The following APBB1IP variants were observed in gnomAD, a reference collection of about 807,000 sequenced individuals.
APBB1IP encodes amyloid beta precursor protein binding family B member 1 interacting protein.
APBB1IP carries 27 observed loss-of-function variants against 64.9 expected under a neutral mutation model. The ratio of observed to expected loss-of-function variants is 0.42; its 90% confidence interval spans 0.31 to 0.57. APBB1IP has a LOEUF of 0.57. Ranked by LOEUF, APBB1IP falls within the 20% of genes least tolerant of loss-of-function variation. The pLI is 0.20. For synonymous variants in APBB1IP, 392 were observed against 331.0 expected, an observed-to-expected ratio of 1.18 and a Z score of -2.00; for missense variants, 812 against 845.5, an observed-to-expected ratio of 0.96 and a Z score of 0.49.
intron 10 of APBB1IP, among the ~76,000 whole-genome samples, chr10:26,537,444 T>A (rs1379952713): frequency 6.6e-6 from 1 of 152,186 alleles, no homozygotes; most frequent in East Asian, 1.9e-4. Context: ...CTCCTTAGCC[T>A]CTTCCACTCT....
Position 26,567,492 on chromosome 10 carries a change from C to T in APBB1IP, c.*4C>T, listed in dbSNP as rs1483149479. The T allele has an allele frequency of 5.1e-6, 8 of 1,563,676 alleles. No individual in the cohort carries two copies. The highest frequency in any genetic ancestry group is 1.4e-5 in the African/African-American group (1 of 73,094). On this transcript the variant is annotated 3_prime_UTR_variant, in exon 15 of 15. Coordinates refer to ENST00000376236, the MANE Select transcript of APBB1IP (RefSeq NM_019043.4). ...GAAGAGAGGCAACGTGTCCTAGGGACGGGCATGATGAGTGTTCCAGAGGGA... is the reference window on the plus strand; with the variant it reads ...GAAGAGAGGCAACGTGTCCTAGGGATGGGCATGATGAGTGTTCCAGAGGGA...
intron 2 of APBB1IP, among the ~76,000 whole-genome samples, chr10:26,475,204 C>G (rs534242966): frequency 1.3e-5 from 2 of 151,408 alleles, no homozygotes; most frequent in East Asian, 3.9e-4. Context: ...TTCACTGCAA[C>G]CTCCGCCTCC....
In APBB1IP at chr10:26,500,874, A is replaced by G. The variant is rs1836088219; in HGVS notation, c.216A>G (p.Val72=). 1.2e-6 allele frequency: 2 copies of G among 1,614,232 alleles called. No homozygotes were observed. Among genetic ancestry groups the G allele is most frequent in the East Asian group, 2.2e-5 (1 of 44,894 alleles). Residue 72 remains valine, a synonymous_variant, in exon 5 of 15, where the codon GTA becomes GTG. Coordinates refer to ENST00000376236, the MANE Select transcript of APBB1IP (RefSeq NM_019043.4). ...TAGATGCTCTCATGGCAGATCTGGT[A>G]GCAGACATAAGTGAGGCTGAGCAGA... ...QDLDALMADL[V]ADISEAEQRT... is the part of the protein sequence containing the mutation.
At chr10:26,551,303 G>T (rs1836827221) in intron 11 of APBB1IP, among the ~76,000 whole-genome samples, 1 of 152,236 alleles carries the variant, frequency 6.6e-6, no homozygotes, top group South Asian at 2.1e-4. Flanking sequence ...GAAGGACCCA[G>T]TGTGGTAAGA....
intron 5 of APBB1IP, among the ~76,000 whole-genome samples, chr10:26,502,800 A>G (rs1327897882): frequency 6.6e-6 from 1 of 152,210 alleles, no homozygotes; most frequent in African/African-American, 2.4e-5. Context: ...GTGTCAATCT[A>G]TAGATTCCTT....
At chr10:26,499,406 A>G (rs770506575) in intron 4 of APBB1IP, among the ~76,000 whole-genome samples, 3 of 152,236 alleles carry the variant, frequency 2.0e-5, no homozygotes, top group Non-Finnish European at 1.5e-5. Context: ...CTTTAGTCCA[A>G]GTACTGTAAA....
chr10:26,550,441 CT>C (rs1385319049), intron 11 of APBB1IP, among the ~76,000 whole-genome samples: 2 of 151,630 alleles, frequency 1.3e-5, no homozygotes, highest in Non-Finnish European at 2.9e-5. Context: ...TTCTTTATTC[CT>C]TTTCATTTTT....
intron 2 of APBB1IP, among the ~76,000 whole-genome samples, chr10:26,490,833 T>A (rs1476102789): frequency 1.3e-5 from 2 of 152,198 alleles, no homozygotes; most frequent in African/African-American, 4.8e-5. Context: ...AATTTCCATA[T>A]AAAAAGAATG....
intron 8 of APBB1IP, among the ~76,000 whole-genome samples, chr10:26,515,432 T>G (rs1045234068): frequency 1.3e-5 from 2 of 152,156 alleles, no homozygotes; most frequent in Non-Finnish European, 2.9e-5. Context: ...GCCGGGGAAA[T>G]GCACATTCAG....
Position 26,567,434 on chromosome 10 carries a change from T to C in APBB1IP, c.1947T>C (p.Asp649=). The C allele has an allele frequency of 6.2e-7, 1 of 1,607,808 alleles. No homozygotes were observed. Among genetic ancestry groups the C allele is most frequent in the South Asian group, 1.1e-5 (1 of 90,928 alleles). ...GCGGAGCAGGAGGCGGGGAGCAAGA[T>C]TTCATGTCAGACCTCATGAAAGCTT... ...HPGGAGGGEQ[D]FMSDLMKALQ... Residue 649 remains aspartate (D), a synonymous_variant, in exon 15 of 15, where the codon GAT becomes GAC. Transcript: ENST00000376236.
chr10:26,512,549 T>C (rs1297913590), intron 7 of APBB1IP, among the ~76,000 whole-genome samples: 2 of 152,050 alleles, frequency 1.3e-5, no homozygotes, highest in Non-Finnish European at 2.9e-5. Flanking sequence ...TAGACACTGA[T>C]GGAATTTTTC....
chr10:26,467,486 G>A lies in APBB1IP; in HGVS notation c.1-24841G>A, dbSNP rs117164323. 2.3e-3 allele frequency among the ~76,000 whole-genome samples: 344 copies of A among 152,282 alleles called. 6 individuals carry two copies. The highest frequency in any genetic ancestry group is 0.014 in the Admixed American group (207 of 15,286). On this transcript the variant is annotated intron_variant, in intron 2 of 14. Transcript: ENST00000376236. ...CCAAGAGTTCTGATTCCATAATTGTGTTCAAGACCAGCCTGGGCAACATAG... is the reference window on the plus strand; with the variant it reads ...CCAAGAGTTCTGATTCCATAATTGTATTCAAGACCAGCCTGGGCAACATAG...
At chr10:26,459,957 G>T (rs1835570872) in intron 2 of APBB1IP, among the ~76,000 whole-genome samples, 1 of 151,950 alleles carries the variant, frequency 6.6e-6, no homozygotes, top group Admixed American at 6.6e-5. Flanking sequence ...AATTTTGTAA[G>T]CCAAATTTTT....
chr10:26,449,864 A>G (rs1285237547), intron 2 of APBB1IP, among the ~76,000 whole-genome samples: 1 of 152,124 alleles, frequency 6.6e-6, no homozygotes, highest in Non-Finnish European at 1.5e-5. Context: ...TGAAAAAGCC[A>G]GACATGGTGG....
intron 2 of APBB1IP, among the ~76,000 whole-genome samples, chr10:26,462,925 TAG>T (rs1283317912): frequency 6.6e-6 from 1 of 152,210 alleles, no homozygotes; most frequent in Non-Finnish European, 1.5e-5. Context: ...TAGAATGACA[TAG>T]AAGGTGGTAT....
At position 26,567,041 on chromosome 10, in the gene APBB1IP, G is replaced by GC; in HGVS notation, c.1559dup (p.Pro521SerfsTer45). On this transcript the variant is annotated frameshift_variant, in exon 15 of 15. Transcript: ENST00000376236. LOFTEE classifies it low-confidence loss of function (END_TRUNC). ...ACGCCCCCAAGTCCAGCCTGCCCCC[G>GC]CCCCCTCCGGTGCGGAGGTCCTCCG... is the stretch of plus-strand genomic sequence containing the variant. The GC allele has an allele frequency of 6.5e-7, 1 of 1,527,372 alleles. No homozygotes were observed. The highest frequency in any genetic ancestry group is 8.7e-7 in the Non-Finnish European group (1 of 1,151,758). The allele number at this position is 1,527,372 out of a possible 1,614,324, so 94.6% of individuals were successfully genotyped here. A position where few individuals can be genotyped will look rare whatever the true frequency, so the allele number is the denominator to read the frequency against.
At chr10:26,533,604 G>T in intron 9 of APBB1IP, 79 bp downstream of exon 9, 1 of 912,072 alleles carries the variant, frequency 1.1e-6, no homozygotes, top group South Asian at 2.3e-5. Flanking sequence ...CGAGAACAAT[G>T]GAAAAATCTA....
At position 26,452,292 on chromosome 10, in the gene APBB1IP, G is replaced by A. The variant is rs76173675; in HGVS notation, c.-1+13439G>A. On this transcript the variant is annotated intron_variant, in intron 2 of 14. Coordinates refer to ENST00000376236, the MANE Select transcript of APBB1IP (RefSeq NM_019043.4). ...AGCTGAGAGAAGGTCTAAATGACTT[G>A]CCCAAGGTCATCCAGCAGCTAAGTA... Among the ~76,000 whole-genome samples the A allele has an allele frequency of 1.6e-4, 25 of 152,314 alleles. No individual in the cohort carries two copies. In the East Asian group the frequency reaches 3.3e-3, roughly 20 times the overall value.
chr10:26,555,827 A>G (rs1836888260), intron 11 of APBB1IP, among the ~76,000 whole-genome samples: 1 of 152,102 alleles, frequency 6.6e-6, no homozygotes, highest in Non-Finnish European at 1.5e-5. Context: ...TCAAATTCCT[A>G]GCCTCAAGTG....
Sources: allele counts gnomAD v4.1 joint callset (sites outside exome capture counted in the v4.1 genomes callset), GRCh38; gene constraint gnomAD v4.1.1; transcripts MANE v1.5; gene names NCBI Gene and HGNC (gene_info 2026-07-23, HGNC 2026-07-21).